RPTOR: variants seen among roughly 807,000 people sequenced by gnomAD.
RPTOR encodes regulatory associated protein of MTOR complex 1.
A neutral mutation model predicts 169.9 loss-of-function variants in RPTOR; 21 were observed. The ratio of observed to expected loss-of-function variants is 0.12; its 90% confidence interval spans 0.09 to 0.18. The LOEUF is 0.18. Ranked by LOEUF, RPTOR falls within the 10% of genes least tolerant of loss-of-function variation. The pLI is 1.00. For missense variants in RPTOR, 1,133 were observed against 1,855.9 expected (o/e 0.61, Z 7.16); for synonymous variants, 732 against 753.2 (o/e 0.97, Z 0.46).
intron 33 of RPTOR, among the ~76,000 whole-genome samples, chr17:80,963,762 CCG>C (rs1257454887): frequency 3.7e-5 from 5 of 133,932 alleles, no homozygotes; most frequent in African/African-American, 1.5e-4. Flanking sequence ...GGCCCTCACC[CCG>C]TCCCCTCTGC....
At chr17:80,834,754 G>A (rs545341365) in intron 9 of RPTOR, among the ~76,000 whole-genome samples, 6 of 152,196 alleles carry the variant, frequency 3.9e-5, no homozygotes, top group Admixed American at 3.9e-4. Context: ...CTTGGAGAAC[G>A]TGCGAATAGG....
At chr17:80,894,263 G>A (rs968452376) in intron 20 of RPTOR, among the ~76,000 whole-genome samples, 1 of 152,166 alleles carries the variant, frequency 6.6e-6, no homozygotes, top group Admixed American at 6.5e-5. Context: ...GTACAGTAGG[G>A]GTGCTCCTTG....
intron 5 of RPTOR, among the ~76,000 whole-genome samples, chr17:80,742,698 T>G (rs887243935): frequency 1.4e-5 from 2 of 148,126 alleles, no homozygotes; most frequent in Non-Finnish European, 3.0e-5. Flanking sequence ...GAGACACACA[T>G]AGACACCATA....
rs554723306 is a variant in RPTOR at position 80,885,010 on chromosome 17, C to A, written c.1845C>A (p.Val615=). The A allele has an allele frequency of 3.7e-6, 6 of 1,608,382 alleles. No homozygotes were observed. The South Asian group carries it at 6.7e-5, about 18-fold the overall frequency. ...TGTGACCCCCCGCCGCCTTGCAGGT[C>A]CGCTGCGCAGCGGTCTTCGCCCTTG... is the stretch of plus-strand genomic sequence containing the variant. The part of the protein sequence containing the change: ...YSLLSDPIPE[V]RCAAVFALGT... Residue 615 remains valine, a splice_region_variant and synonymous_variant, in exon 17 of 34, where the codon GTC becomes GTA. Transcript: ENST00000306801.
chr17:80,795,558 G>C (rs1168916038), intron 7 of RPTOR, among the ~76,000 whole-genome samples: 1 of 151,506 alleles, frequency 6.6e-6, no homozygotes, highest in Non-Finnish European at 1.5e-5. Context: ...AAATGCTAAA[G>C]GTTTATTTTT....
intron 5 of RPTOR, among the ~76,000 whole-genome samples, chr17:80,743,857 C>CACTGTCCTGGCTACTAGCACTGT (rs1567887523): frequency 1.4e-5 from 1 of 70,822 alleles, no homozygotes; most frequent in African/African-American, 7.4e-5. Flanking sequence ...ACTAGCAGAG[C>CACTGTCCTGGCTACTAGCACTGT]CCTGGCTACT....
chr17:80,743,687 T>TAGCACAGCCCTGGTTACG (rs2066508623), intron 5 of RPTOR, among the ~76,000 whole-genome samples: 1 of 135,228 alleles, frequency 7.4e-6, no homozygotes, highest in Non-Finnish European at 1.7e-5. Flanking sequence ...CCCTGGCTAC[T>TAGCACAGCCCTGGTTACG]AGCACAGCCC....
chr17:80,696,984 G>A (rs1003822241), intron 3 of RPTOR, among the ~76,000 whole-genome samples: 9 of 152,200 alleles, frequency 5.9e-5, no homozygotes, highest in Non-Finnish European at 1.0e-4. Flanking sequence ...GCCCCATCAC[G>A]TAGGGTGGCT....
intron 6 of RPTOR, among the ~76,000 whole-genome samples, chr17:80,757,236 G>T (rs2066690025): frequency 6.6e-6 from 1 of 152,166 alleles, no homozygotes; most frequent in African/African-American, 2.4e-5. Flanking sequence ...CCCCAAAATT[G>T]GGAAAGCTGG....
At chr17:80,788,051 G>A (rs1598304125) in intron 6 of RPTOR, among the ~76,000 whole-genome samples, 2 of 152,176 alleles carry the variant, frequency 1.3e-5, no homozygotes, top group South Asian at 4.1e-4. Context: ...TCTTCCTCAT[G>A]AGTCTTTTTG....
chr17:80,936,511 A>G lies in RPTOR; in HGVS notation c.2920-3985A>G, dbSNP rs1057316062. On this transcript the variant is annotated intron_variant, in intron 24 of 33. Transcript: ENST00000306801. The surrounding 1 kb of genome is among the most constrained non-coding windows in gnomAD (Gnocchi z 4.1). ...ACCATACAATGAAAGACTCATCAGA[A>G]CAATATTTAAATAAACTATTGATAA... is the stretch of plus-strand genomic sequence containing the variant. 5.9e-5 allele frequency among the ~76,000 whole-genome samples: 9 copies of G among 152,234 alleles called. No homozygotes were observed. The highest frequency in any genetic ancestry group is 2.2e-4 in the African/African-American group (9 of 41,458).
chr17:80,713,756 C>G (rs2143125368), intron 4 of RPTOR, among the ~76,000 whole-genome samples: 1 of 152,136 alleles, frequency 6.6e-6, no homozygotes, highest in African/African-American at 2.4e-5. Flanking sequence ...GTTCATGAGC[C>G]AGGCACACAC....
rs1297423551 is a variant in RPTOR at position 80,964,862 on chromosome 17, A to G, written c.*532A>G. 2 of 233,998 alleles carry G rather than the reference A, an allele frequency of 8.5e-6. No individual in the cohort carries two copies. The highest frequency in any genetic ancestry group is 1.7e-5 in the Non-Finnish European group (2 of 118,574). 14.5% of individuals were successfully genotyped at this position (233,998 alleles called of 1,614,324 possible). ...GACATTTCCTAGCCAGCTGGGGGAC[A>G]CTGGAAATTCGGGAAACCAAGAGAG... On this transcript the variant is annotated 3_prime_UTR_variant, in exon 34 of 34. Coordinates refer to ENST00000306801, the MANE Select transcript of RPTOR (RefSeq NM_020761.3).
At chr17:80,826,126 C>T (rs1382916532) in intron 9 of RPTOR, among the ~76,000 whole-genome samples, 1 of 152,158 alleles carries the variant, frequency 6.6e-6, no homozygotes, top group Non-Finnish European at 1.5e-5. Context: ...AGCCGTGAGC[C>T]ACCTGCCTGT....
chr17:80,610,445 C>T (rs977420889), intron 1 of RPTOR, among the ~76,000 whole-genome samples: 11 of 152,066 alleles, frequency 7.2e-5, no homozygotes, highest in East Asian at 1.9e-4. Flanking sequence ...GTTGAGATGA[C>T]GGGGCTGAGA....
At chr17:80,652,615 C>T (rs2065649776) in intron 3 of RPTOR, among the ~76,000 whole-genome samples, 1 of 152,198 alleles carries the variant, frequency 6.6e-6, no homozygotes, top group African/African-American at 2.4e-5. Flanking sequence ...AAAAACATTC[C>T]ATTGTATGGC....
At chr17:80,669,934 C>T (rs59285578) in intron 3 of RPTOR, among the ~76,000 whole-genome samples, 6,765 of 152,284 alleles carry the variant, frequency 0.044, 496 homozygotes, top group African/African-American at 0.15. Context: ...TCTGTCTTTG[C>T]TCAAATTGTG....
intron 3 of RPTOR, among the ~76,000 whole-genome samples, chr17:80,694,231 G>C (rs1468506270): frequency 6.6e-6 from 1 of 152,208 alleles, no homozygotes; most frequent in South Asian, 2.1e-4. Flanking sequence ...CCGTGCTCAC[G>C]AATCCCTGAC....
chr17:80,858,824 C>T (rs1354850328), intron 13 of RPTOR, among the ~76,000 whole-genome samples: 1 of 152,224 alleles, frequency 6.6e-6, no homozygotes, highest in Non-Finnish European at 1.5e-5. Flanking sequence ...AGGGAGGCCC[C>T]ATCCACGCAG....
Sources: allele counts gnomAD v4.1 joint callset (sites outside exome capture counted in the v4.1 genomes callset), GRCh38; gene constraint gnomAD v4.1.1; non-coding constraint Gnocchi (gnomAD v3.1); transcripts MANE v1.5; gene names NCBI Gene and HGNC (gene_info 2026-07-23, HGNC 2026-07-21).